Variants in GSKIP observed in about 807,000 individuals in gnomAD.
GSKIP encodes the protein GSK3B-interacting protein.
In GSKIP, 5 loss-of-function variants were observed where a neutral mutation model predicts 11.9. The ratio of observed to expected loss-of-function variants is 0.42; its 90% CI spans 0.22 to 0.89. The LOEUF (loss-of-function observed/expected upper bound fraction) is 0.89. Among genes scored for constraint, GSKIP ranks in the 40% least tolerant of loss-of-function variants. The pLI, the probability that GSKIP is intolerant of heterozygous loss-of-function variation, is 0.29. For missense variants in GSKIP, 150 were observed against 166.6 expected (o/e 0.90, Z 0.55); for synonymous variants, 70 against 62.9 (o/e 1.11, Z -0.54).
chr14:96,380,009 C>G (rs1189074555), intron 2 of GSKIP: 2 of 152,062 alleles, frequency 1.3e-5, no homozygotes, highest in East Asian at 3.9e-4. Flanking sequence ...AGAAAGGGCT[C>G]ATTTTGTATG....
intron 3 of GSKIP, 135 bp from the exon 4 acceptor site, chr14:96,385,388 G>C: frequency 1.6e-6 from 1 of 619,904 alleles, no homozygotes; most frequent in South Asian, 2.1e-5. Context: ...AGTTACCCAT[G>C]TATCTGGTGG....
chr14:96,383,340 G>T (rs1393964326), intron 3 of GSKIP, among the ~76,000 whole-genome samples: 1 of 151,704 alleles, frequency 6.6e-6, no homozygotes, highest in Non-Finnish European at 1.5e-5. Context: ...GTTCGAGGTT[G>T]CAGTGAGCTA....
chr14:96,381,553 G>A (rs1030959542), intron 2 of GSKIP, among the ~76,000 whole-genome samples: 2 of 152,164 alleles, frequency 1.3e-5, no homozygotes, highest in African/African-American at 4.8e-5. Flanking sequence ...ACCTACTGTG[G>A]TAGGTAAAGA....
At chr14:96,370,134 G>A (rs1227719412) in intron 1 of GSKIP, among the ~76,000 whole-genome samples, 2 of 152,180 alleles carry the variant, frequency 1.3e-5, no homozygotes, top group African/African-American at 4.8e-5. Context: ...CTTTTCTCTT[G>A]GCCAATTTCT....
intron 2 of GSKIP, among the ~76,000 whole-genome samples, chr14:96,381,354 T>A (rs1213005800): frequency 6.6e-6 from 1 of 152,236 alleles, no homozygotes; most frequent in Non-Finnish European, 1.5e-5. Flanking sequence ...AGATGAGTTA[T>A]TCAGTAAATG....
intron 1 of GSKIP, among the ~76,000 whole-genome samples, chr14:96,375,930 C>T (rs934898984): frequency 6.6e-6 from 1 of 152,188 alleles, no homozygotes; most frequent in Non-Finnish European, 1.5e-5. Context: ...GCATGATAAC[C>T]CATTAAACTA....
At chr14:96,376,660 C>T (rs1889211498) in intron 1 of GSKIP, among the ~76,000 whole-genome samples, 1 of 152,078 alleles carries the variant, frequency 6.6e-6, no homozygotes, top group African/African-American at 2.4e-5. Context: ...AATTATCTGC[C>T]ACTCACAATT....
intron 3 of GSKIP, among the ~76,000 whole-genome samples, chr14:96,384,304 C>T (rs1337743787): frequency 6.6e-6 from 1 of 151,960 alleles, no homozygotes. Flanking sequence ...GCAAACTGAA[C>T]TGTACTCCAC....
intron 1 of GSKIP, among the ~76,000 whole-genome samples, chr14:96,371,597 A>G (rs1360621607): frequency 2.0e-5 from 3 of 152,052 alleles, no homozygotes; most frequent in Non-Finnish European, 4.4e-5. Context: ...GGCACGTGCC[A>G]CCACACCTGG....
rs1387443776 is a variant in GSKIP at position 96,387,252 on chromosome 14, T to G, written c.*1568T>G. 1 of 152,274 alleles carries G rather than the reference T, an allele frequency of 6.6e-6. No homozygotes were observed. The highest frequency in any genetic ancestry group is 2.4e-5 in the African/African-American group (1 of 41,476). The allele number at this position is 152,274 out of a possible 1,614,324, so 9.4% of individuals were successfully genotyped here. The stretch of plus-strand genomic sequence containing the variant: ...AAAAAGTGATTGTATGTTTAAGAAT[T>G]GAAATTGTTCATTTTGTGATAAATG... On this transcript the variant is annotated 3_prime_UTR_variant, in exon 4 of 4. Coordinates refer to ENST00000555181, the MANE Select transcript of GSKIP (RefSeq NM_016472.5).
rs1201732024 is a variant in GSKIP at position 96,385,581 on chromosome 14, C to G, written c.317C>G (p.Thr106Arg). The change falls in exon 4 of 4, where the codon ACA (threonine) becomes AGA (arginine). Residue 106 changes from threonine to arginine, a missense_variant. By Grantham distance (71) the Thr-to-Arg change is moderately conservative (BLOSUM62 -1). Transcript: ENST00000555181. ...DDHLQTPYHE[T>R]VYSLLDTLSP... ...CATTTACAGACTCCCTACCATGAAA[C>G]AGTCTACTCCTTGTTGGATACACTC... 4 of 1,612,746 alleles carry G rather than the reference C, an allele frequency of 2.5e-6. No homozygotes were observed. The highest frequency in any genetic ancestry group is 3.4e-6 in the Non-Finnish European group (4 of 1,179,014).
intron 1 of GSKIP, among the ~76,000 whole-genome samples, chr14:96,366,317 C>G (rs997511430): frequency 6.6e-6 from 1 of 151,996 alleles, no homozygotes; most frequent in Non-Finnish European, 1.5e-5. Flanking sequence ...TCGGGCTATC[C>G]ATAGAGTGCC....
rs1310391707 is a variant in GSKIP, at chr14:96,387,276, T to C, written c.*1592T>C. 6.6e-6 allele frequency: 1 copy of C among 152,242 alleles called. No homozygotes were observed. The highest frequency in any genetic ancestry group is 1.5e-5 in the Non-Finnish European group (1 of 68,034). The allele number at this position is 152,242 out of a possible 1,614,324, so 9.4% of individuals were successfully genotyped here. On this transcript the variant is annotated 3_prime_UTR_variant, in exon 4 of 4. Coordinates refer to ENST00000555181, the MANE Select transcript of GSKIP (RefSeq NM_016472.5). ...TTGAAATTGTTCATTTTGTGATAAATGATTAATTCCAAGAGCTTGTTTCCA... is the reference window on the plus strand; with the variant it reads ...TTGAAATTGTTCATTTTGTGATAAACGATTAATTCCAAGAGCTTGTTTCCA...
chr14:96,367,936 G>T (rs562820644), intron 1 of GSKIP, among the ~76,000 whole-genome samples: 1 of 152,248 alleles, frequency 6.6e-6, no homozygotes, highest in African/African-American at 2.4e-5. Flanking sequence ...AACCAATTTG[G>T]AGTTTAAATG....
intron 1 of GSKIP, among the ~76,000 whole-genome samples, chr14:96,366,981 C>T (rs187844836): frequency 6.6e-6 from 1 of 152,300 alleles, no homozygotes; most frequent in African/African-American, 2.4e-5. Context: ...GGGCTCCACA[C>T]CTCACGGCTC....
chr14:96,369,906 C>T (rs1283459181), intron 1 of GSKIP, among the ~76,000 whole-genome samples: 1 of 152,166 alleles, frequency 6.6e-6, no homozygotes, highest in Non-Finnish European at 1.5e-5. Flanking sequence ...AGTGTGCACC[C>T]TCATCCTGGA....
rs35946663 is a variant in GSKIP at position 96,363,661 on chromosome 14, G to A, written c.-103+93G>A. On this transcript the variant is annotated intron_variant, in intron 1 of 3. Coordinates refer to ENST00000555181, the MANE Select transcript of GSKIP (RefSeq NM_016472.5). ...CGGCGGGCCGTCAGGCCTTCCGGATGGGGACGCGACGCCATGCAGCTGGCT... is the reference window on the plus strand; with the variant it reads ...CGGCGGGCCGTCAGGCCTTCCGGATAGGGACGCGACGCCATGCAGCTGGCT... 0.33 allele frequency: 49,499 copies of A among 151,898 alleles called. 9,207 individuals are homozygous for A. Among genetic ancestry groups the A allele is most frequent in the Non-Finnish European group, 0.42 (28,818 of 67,880 alleles). The allele number at this position is 151,898 out of a possible 1,614,324, so 9.4% of individuals were successfully genotyped here.
chr14:96,367,554 T>C (rs1888921772), intron 1 of GSKIP, among the ~76,000 whole-genome samples: 1 of 152,234 alleles, frequency 6.6e-6, no homozygotes, highest in Admixed American at 6.5e-5. Flanking sequence ...GGCTGTTCTT[T>C]TGTCAGACTA....
At chr14:96,370,892 AT>A (rs1160397836) in intron 1 of GSKIP, among the ~76,000 whole-genome samples, 2 of 152,208 alleles carry the variant, frequency 1.3e-5, no homozygotes, top group East Asian at 3.9e-4. Context: ...TGTTGTCTAG[AT>A]TTATAATTAC....
Sources: allele counts gnomAD v4.1 joint callset (sites outside exome capture counted in the v4.1 genomes callset), GRCh38; gene constraint gnomAD v4.1.1; transcripts MANE v1.5; gene names NCBI Gene and HGNC (gene_info 2026-07-23, HGNC 2026-07-21).